The following KIAA1671 variants were observed in gnomAD, a reference collection of about 807,000 sequenced individuals.
The protein encoded by KIAA1671 is KIAA1671, also known as uncharacterized protein KIAA1671.
In KIAA1671, 52 loss-of-function variants were observed where a neutral mutation model predicts 131.2. That is an observed-to-expected ratio of 0.40 (90% CI 0.32 to 0.50). KIAA1671 has a LOEUF of 0.50. KIAA1671 is among the 20% of genes least tolerant of loss of function. KIAA1671 has a pLI of 0.73. For synonymous variants in KIAA1671, 1,003 were observed against 961.6 expected (o/e 1.04, Z -0.80); for missense variants, 2,360 against 2,364.2 (o/e 1.00, Z 0.04).
chr22:25,030,678 C>T (rs1569210693), intron 3 of KIAA1671, among the ~76,000 whole-genome samples: 1 of 152,248 alleles, frequency 6.6e-6, no homozygotes, highest in Middle Eastern at 3.2e-3. Context: ...TAATGATATT[C>T]TAAGTCGGTT....
chr22:25,164,702 C>A (rs1436425909), intron 6 of KIAA1671, among the ~76,000 whole-genome samples: 1 of 152,132 alleles, frequency 6.6e-6, no homozygotes, highest in East Asian at 1.9e-4. Flanking sequence ...GTAATCCCAG[C>A]ACTTTGGGAG....
intron 6 of KIAA1671, chr22:25,063,980 T>G (rs966011372): frequency 2.0e-5 from 3 of 152,218 alleles, no homozygotes; most frequent in Non-Finnish European, 4.4e-5. Context: ...TTACTCTGGC[T>G]CTACCAGGCG....
chr22:25,152,791 TGGG>T (rs886183707), intron 6 of KIAA1671, among the ~76,000 whole-genome samples: 1 of 151,918 alleles, frequency 6.6e-6, no homozygotes, highest in Non-Finnish European at 1.5e-5. Flanking sequence ...TTAGTGGAGA[TGGG>T]GGGTTTCACC....
chr22:24,967,923 G>A (rs1415566029), intron 1 of KIAA1671, among the ~76,000 whole-genome samples: 1 of 152,128 alleles, frequency 6.6e-6, no homozygotes, highest in Non-Finnish European at 1.5e-5. Flanking sequence ...AACCCAGGAG[G>A]CGGAGCTTGC....
intron 6 of KIAA1671, chr22:25,058,378 T>C (rs1927968478): frequency 3.9e-5 from 6 of 152,172 alleles, no homozygotes; most frequent in Admixed American, 3.9e-4. Flanking sequence ...GTTCATAGTT[T>C]ATTCCGATTT....
intron 6 of KIAA1671, among the ~76,000 whole-genome samples, chr22:25,079,718 G>A (rs1028699757): frequency 6.6e-6 from 1 of 152,164 alleles, no homozygotes; most frequent in Admixed American, 6.5e-5. Context: ...GAGAGAGTGG[G>A]CAGTGAGAGC....
Position 24,980,926 on chromosome 22 carries a change from T to C in KIAA1671, c.-208+28154T>C, listed in dbSNP as rs112891451. ...CATGCCTGGATGATTTTTGTATTTT[T>C]AGTAGAGACGGGCTTTCACCATGTT... On this transcript the variant is annotated intron_variant, in intron 1 of 12. Coordinates refer to ENST00000358431, the MANE Select transcript of KIAA1671 (RefSeq NM_001145206.2). Among the ~76,000 whole-genome samples the C allele has an allele frequency of 8.6e-3, 1,310 of 152,138 alleles. 11 individuals are homozygous for C. The highest frequency in any genetic ancestry group is 0.014 in the Non-Finnish European group (943 of 68,006).
intron 1 of KIAA1671, among the ~76,000 whole-genome samples, chr22:24,985,872 C>T (rs1205798031): frequency 2.0e-5 from 3 of 152,024 alleles, no homozygotes; most frequent in African/African-American, 7.3e-5. Context: ...AGCCCCTTCC[C>T]ATTGAGGATT....
chr22:25,169,761 G>A (rs5996847), intron 6 of KIAA1671, among the ~76,000 whole-genome samples: 18 of 151,408 alleles, frequency 1.2e-4, no homozygotes, highest in Non-Finnish European at 2.5e-4. Context: ...TGCTCCCTGC[G>A]TGCCCTCTCT....
chr22:24,991,186 AT>A (rs959082854), intron 1 of KIAA1671, among the ~76,000 whole-genome samples: 1 of 150,152 alleles, frequency 6.7e-6, no homozygotes, highest in East Asian at 2.0e-4. Flanking sequence ...TGCCCAGCTA[AT>A]TTTTTTTGTA....
At position 25,029,126 on chromosome 22, in the gene KIAA1671, G is replaced by T; in HGVS notation, c.1127G>T (p.Gly376Val). ...SPRALVGGSS[G>V]VTPSNDQSPW... The stretch of plus-strand genomic sequence containing the variant: ...AGAGCCCTGGTGGGGGGCTCATCTG[G>T]GGTCACCCCCAGCAATGACCAGAGT... The change falls in exon 3 of 13, where the codon GGG becomes GTG. Residue 376 changes from glycine to valine, a missense_variant. Physicochemically the swap from Gly to Val is moderately radical, Grantham distance 109. Transcript: ENST00000358431. 1 of 1,462,868 alleles carries T rather than the reference G, an allele frequency of 6.8e-7. No homozygotes were observed. Among genetic ancestry groups the T allele is most frequent in the Non-Finnish European group, 9.0e-7 (1 of 1,105,832 alleles). 90.6% of individuals were successfully genotyped at this position (1,462,868 alleles called of 1,614,324 possible).
rs1188383098 is a variant in KIAA1671, at chr22:24,998,657, G to A, written c.-207-26976G>A. Among the ~76,000 whole-genome samples the A allele has an allele frequency of 2.0e-5, 3 of 147,816 alleles. No homozygotes were observed. In the Admixed American group the frequency reaches 2.0e-4, roughly 10 times the overall value. ...GGCATGAACCCAGGAGGCGGAGCTTGCAGTGAGCCAAGATCGCGCCACTGG... is the reference window on the plus strand; with the variant it reads ...GGCATGAACCCAGGAGGCGGAGCTTACAGTGAGCCAAGATCGCGCCACTGG... On this transcript the variant is annotated intron_variant, in intron 1 of 12. Coordinates refer to ENST00000358431, the MANE Select transcript of KIAA1671 (RefSeq NM_001145206.2).
intron 6 of KIAA1671, among the ~76,000 whole-genome samples, chr22:25,130,206 G>A (rs531658624): frequency 3.3e-5 from 5 of 152,248 alleles, no homozygotes; most frequent in African/African-American, 1.2e-4. Context: ...TTTACATACA[G>A]CAAAAGGTAT....
intron 1 of KIAA1671, among the ~76,000 whole-genome samples, chr22:25,019,481 ACAGCT>A (rs1925540468): frequency 6.6e-6 from 1 of 152,194 alleles, no homozygotes; most frequent in Admixed American, 6.5e-5. Context: ...TGATGGAAAG[ACAGCT>A]CAGAGGAAAA....
chr22:25,096,650 C>T (rs909547550), intron 6 of KIAA1671, among the ~76,000 whole-genome samples: 3 of 152,192 alleles, frequency 2.0e-5, no homozygotes, highest in Admixed American at 1.3e-4. Context: ...CAATAAACAA[C>T]GTTTCAAGTG....
chr22:25,041,214 G>T lies in KIAA1671; in HGVS notation c.4084G>T (p.Val1362Leu), dbSNP rs1263833395. The T allele has an allele frequency of 3.2e-6, 5 of 1,551,778 alleles. No individual in the cohort carries two copies. The highest frequency in any genetic ancestry group is 2.7e-5 in the African/African-American group (2 of 73,186). Reference protein sequence around the residue: ...GREDPGSGVRVSPKSPPTDQK... With the variant: ...GREDPGSGVRLSPKSPPTDQK... The stretch of plus-strand genomic sequence containing the variant: ...GGAGGATCCAGGCAGTGGGGTCAGG[G>T]TGTCACCCAAATCGCCCCCCACTGA... Residue 1362 changes from valine to leucine, a missense_variant, in exon 5 of 13, where the codon GTG becomes TTG. Coordinates refer to ENST00000358431, the MANE Select transcript of KIAA1671 (RefSeq NM_001145206.2).
intron 6 of KIAA1671, among the ~76,000 whole-genome samples, chr22:25,152,165 T>C (rs188408801): frequency 2.9e-4 from 44 of 152,372 alleles, no homozygotes; most frequent in Admixed American, 2.0e-3. Flanking sequence ...GATTTTTGGA[T>C]ACTTAGATTG....
intron 1 of KIAA1671, 59 bp from the exon 2 acceptor site, chr22:25,025,574 C>T (rs1602076517): frequency 2.0e-5 from 3 of 152,164 alleles, no homozygotes; most frequent in Admixed American, 6.5e-5. Context: ...GCTTTTGTGC[C>T]GTCTGTTCCC....
At chr22:25,113,952 CAGG>C (rs1931523579) in intron 6 of KIAA1671, among the ~76,000 whole-genome samples, 1 of 152,124 alleles carries the variant, frequency 6.6e-6, no homozygotes, top group Non-Finnish European at 1.5e-5. Context: ...GGGTTGGTGA[CAGG>C]CAGGCTCTGT....
Sources: gnomAD v4.1 joint callset for allele counts (sites outside exome capture counted in the v4.1 genomes callset) on GRCh38, gnomAD v4.1.1 for gene constraint, MANE v1.5 for transcripts, NCBI Gene and HGNC (gene_info 2026-07-23, HGNC 2026-07-21) for gene names.